Variants in PSG11 observed in about 807,000 individuals in gnomAD.
The protein encoded by PSG11 is pregnancy specific beta-1-glycoprotein 11, also known as pregnancy-specific beta-1-glycoprotein 11.
PSG11 carries 42 observed loss-of-function variants against 36.0 expected under a neutral mutation model. That is an observed-to-expected ratio of 1.17 (90% CI 0.91 to 1.51). PSG11 has a LOEUF of 1.51. PSG11 is among the 40% of genes most tolerant of loss of function. PSG11 has a pLI of 0.00. For synonymous variants in PSG11, 206 were observed against 153.5 expected (o/e 1.34, Z -2.53); for missense variants, 558 against 403.5 (o/e 1.38, Z -3.28).
chr19:43,020,380 TG>T (rs1366503963), intron 2 of PSG11, among the ~76,000 whole-genome samples: 7 of 151,490 alleles, frequency 4.6e-5, no homozygotes, highest in African/African-American at 7.3e-5. Context: ...TGTAAAGTTT[TG>T]GAGCATTTCA....
At position 43,025,222 on chromosome 19, in the gene PSG11, T is replaced by C. The variant is rs1967213138; in HGVS notation, c.65-166A>G. On this transcript the variant is annotated intron_variant, in intron 1 of 5. Coordinates refer to ENST00000320078, the MANE Select transcript of PSG11 (RefSeq NM_002785.3). Reference sequence around the variant, plus strand: ...ACACACAGAAAAGGGGCATGTGTGTTTGTGTATGTGTATGTGTGTGTGTTC... The same window carrying C: ...ACACACAGAAAAGGGGCATGTGTGTCTGTGTATGTGTATGTGTGTGTGTTC... The C allele has an allele frequency of 2.2e-5, 28 of 1,246,574 alleles. 2 individuals are homozygous for C. In the South Asian group the frequency reaches 3.5e-4, roughly 16 times the overall value. The allele number at this position is 1,246,574 out of a possible 1,614,324, so 77.2% of individuals were successfully genotyped here. A position where few individuals can be genotyped will look rare whatever the true frequency, so the allele number is the denominator to read the frequency against.
intron 4 of PSG11, chr19:43,010,425 G>C (rs570242690): frequency 3.3e-6 from 5 of 1,506,598 alleles, no homozygotes; most frequent in Admixed American, 3.7e-5. Flanking sequence ...CCATGGCAGG[G>C]ACCTGATTGA....
At chr19:43,016,647 G>A (rs1027301096) in intron 3 of PSG11, among the ~76,000 whole-genome samples, 2 of 151,474 alleles carry the variant, frequency 1.3e-5, no homozygotes, top group Admixed American at 1.3e-4. Flanking sequence ...GCAGTGTTTT[G>A]CAGGTGTTTC....
At chr19:43,014,581 C>A (rs180787355) in intron 4 of PSG11, 1 of 1,010,362 alleles carries the variant, frequency 9.9e-7, no homozygotes, top group Non-Finnish European at 1.2e-6. Flanking sequence ...TCCACACATG[C>A]TGGTCCCACC....
At chr19:43,019,776 G>C (rs894901571) in intron 2 of PSG11, 5 of 152,046 alleles carry the variant, frequency 3.3e-5, no homozygotes, top group South Asian at 2.1e-4. Context: ...GTTCCCTGTT[G>C]TGGGTCTATG....
rs370025491 is a variant in PSG11, at chr19:43,009,548, T to C, written c.*40+410A>G. Among the ~76,000 whole-genome samples, 275 of 151,374 alleles carry C rather than the reference T, an allele frequency of 1.8e-3. 9 individuals carry two copies. In the South Asian group the frequency reaches 0.046, roughly 25 times the overall value. The stretch of plus-strand genomic sequence containing the variant: ...TTCTTGATTAAGTGAATTAACTAGA[T>C]TTTAGAAAGGTAATGAGGCAGTTAT... On this transcript the variant is annotated intron_variant, in intron 5 of 5. Coordinates refer to ENST00000320078, the MANE Select transcript of PSG11 (RefSeq NM_002785.3).
At position 43,021,380 on chromosome 19, in the gene PSG11, G is replaced by T. The variant is rs978570333; in HGVS notation, c.431-2332C>A. Reference sequence around the variant, plus strand: ...CAGCATTTTTATTTTTTCTGAGAGAGACTCTTGCTCTGCCAGGCTGGAGTG... The same window carrying T: ...CAGCATTTTTATTTTTTCTGAGAGATACTCTTGCTCTGCCAGGCTGGAGTG... On this transcript the variant is annotated intron_variant, in intron 2 of 5. Transcript: ENST00000320078. Among the ~76,000 whole-genome samples, 3 of 151,060 alleles carry T rather than the reference G, an allele frequency of 2.0e-5. 1 individual carries two copies. The highest frequency in any genetic ancestry group is 7.3e-5 in the African/African-American group (3 of 40,856).
At chr19:43,019,173 G>A (rs143209924) in intron 2 of PSG11, 125 bp from the exon 3 acceptor site, 2 of 1,513,448 alleles carry the variant, frequency 1.3e-6, no homozygotes, top group Admixed American at 4.3e-5. Context: ...CCCATGGCAG[G>A]TGTGTGTGTT....
At chr19:43,023,503 T>C (rs1967155505) in intron 2 of PSG11, among the ~76,000 whole-genome samples, 2 of 151,098 alleles carry the variant, frequency 1.3e-5, no homozygotes, top group South Asian at 4.2e-4. Context: ...TGGACATTTT[T>C]TTTGCACTGA....
At chr19:43,010,202 T>G in intron 4 of PSG11, 161 bp from the exon 5 acceptor site, 2 of 1,448,498 alleles carry the variant, frequency 1.4e-6, no homozygotes, top group Non-Finnish European at 9.1e-7. Flanking sequence ...ATTCTTGCAG[T>G]TTTTTTTCCC....
In PSG11 at chr19:43,020,174, A is replaced by C. The variant is rs145690531; in HGVS notation, c.431-1126T>G. On this transcript the variant is annotated intron_variant, in intron 2 of 5. Coordinates refer to ENST00000320078, the MANE Select transcript of PSG11 (RefSeq NM_002785.3). Reference sequence around the variant, plus strand: ...GAGGTTCTAGAGATCTCCTGTACAGATTCATGCCTATAGTTCATACAGATA... The same window carrying C: ...GAGGTTCTAGAGATCTCCTGTACAGCTTCATGCCTATAGTTCATACAGATA... Among the ~76,000 whole-genome samples, 273 of 151,520 alleles carry C rather than the reference A, an allele frequency of 1.8e-3. 5 individuals carry two copies. Among genetic ancestry groups the C allele is most frequent in the African/African-American group, 6.1e-3 (251 of 41,142 alleles).
rs1181827468 is a variant in PSG11, at chr19:43,010,460, C to T, written c.965-419G>A. On this transcript the variant is annotated intron_variant, in intron 4 of 5. Transcript: ENST00000320078. ...ACAGAAGGCCCAGGTCAGTGCATTTCAAATTCACCACCTCCTTTGCACAGA... is the reference window on the plus strand; with the variant it reads ...ACAGAAGGCCCAGGTCAGTGCATTTTAAATTCACCACCTCCTTTGCACAGA... 3 of 1,257,040 alleles carry T rather than the reference C, an allele frequency of 2.4e-6. No individual in the cohort carries two copies. The Admixed American group carries it at 6.3e-5, about 27-fold the overall frequency. The allele number at this position is 1,257,040 out of a possible 1,614,324, so 77.9% of individuals were successfully genotyped here. A position where few individuals can be genotyped will look rare whatever the true frequency, so the allele number is the denominator to read the frequency against.
At chr19:43,009,587 T>G (rs1283772807) in intron 5 of PSG11, among the ~76,000 whole-genome samples, 1 of 151,450 alleles carries the variant, frequency 6.6e-6, no homozygotes, top group Admixed American at 6.6e-5. Context: ...CAAGGAACAT[T>G]TCAAAGTCTG....
At chr19:43,022,538 C>A (rs1167164462) in intron 2 of PSG11, among the ~76,000 whole-genome samples, 1 of 151,554 alleles carries the variant, frequency 6.6e-6, no homozygotes, top group African/African-American at 2.4e-5. Flanking sequence ...CTCTGTCCTC[C>A]TGTTTGGCAG....
intron 4 of PSG11, among the ~76,000 whole-genome samples, chr19:43,011,690 A>G (rs566939531): frequency 2.4e-4 from 36 of 151,316 alleles, no homozygotes; most frequent in Non-Finnish European, 5.0e-4. Flanking sequence ...TGTTTTGACC[A>G]GCATAGGTAA....
At chr19:43,024,464 T>C (rs1967185614) in intron 2 of PSG11, 1 of 617,528 alleles carries the variant, frequency 1.6e-6, no homozygotes, top group Non-Finnish European at 2.8e-6. Context: ...CCCATCAGAC[T>C]GTCCTTCCTC....
intron 4 of PSG11, chr19:43,010,605 T>C (rs868612617): frequency 2.3e-4 from 82 of 351,624 alleles, no homozygotes; most frequent in Middle Eastern, 9.2e-4. Context: ...CAAAAACTCT[T>C]AGAATTGCAT....
chr19:43,011,598 A>G (rs1180405987), intron 4 of PSG11, among the ~76,000 whole-genome samples: 1 of 151,442 alleles, frequency 6.6e-6, no homozygotes, highest in African/African-American at 2.4e-5. Context: ...ATCAGAAATG[A>G]AAATGGACTC....
Position 43,026,329 on chromosome 19 carries a change from C to T in PSG11, c.44G>A (p.Trp15Ter), listed in dbSNP as rs149116740. 3.9e-4 allele frequency: 635 copies of T among 1,611,096 alleles called. 12 individuals carry two copies. Among genetic ancestry groups the T allele is most frequent in the Middle Eastern group, 3.3e-4 (2 of 6,048 alleles). ...SAPPCTEHIK[W>*]KGLLLTALLL... is the part of the protein sequence containing the mutation. ...CTCACCTGTGAGCAGGAGCCCCTTCCATTTGATGTGCTCTGTGCAGGGAGG... is the reference window on the plus strand; with the variant it reads ...CTCACCTGTGAGCAGGAGCCCCTTCTATTTGATGTGCTCTGTGCAGGGAGG... The change falls in exon 1 of 6, where the codon TGG (tryptophan) becomes TAG (stop). Residue 15 changes from tryptophan (W) to a stop codon, truncating the protein, a stop_gained. Transcript: ENST00000320078. LOFTEE classifies it high-confidence loss of function.
Sources: gnomAD v4.1 joint callset for allele counts (sites outside exome capture counted in the v4.1 genomes callset) on GRCh38, gnomAD v4.1.1 for gene constraint, MANE v1.5 for transcripts, NCBI Gene and HGNC (gene_info 2026-07-23, HGNC 2026-07-21) for gene names.